Variants in PBRM1 observed in about 807,000 individuals in gnomAD.
PBRM1 encodes the protein protein polybromo-1.
Under a neutral mutation model 194.5 loss-of-function variants are expected in PBRM1, and 27 were observed. The ratio of observed to expected loss-of-function variants is 0.14; its 90% CI spans 0.10 to 0.19. The LOEUF is 0.19. PBRM1 is among the 10% of genes least tolerant of loss of function. The probability of loss-of-function intolerance (pLI) is 1.00; values close to 1 mark genes in which losing one functional copy is unlikely to be tolerated. For synonymous variants in PBRM1, 655 were observed against 693.2 expected (o/e 0.94, Z 0.87); for missense variants, 1,466 against 2,077.2 (o/e 0.71, Z 5.72).
rs565116708 is a variant in PBRM1, at chr3:52,629,088, A to AT, written c.1302-54dup. 7.0e-5 allele frequency: 100 copies of AT among 1,424,742 alleles called. No homozygotes were observed. The African/African-American group carries it at 1.3e-3, about 18-fold the overall frequency. 88.3% of individuals were successfully genotyped at this position (1,424,742 alleles called of 1,614,324 possible). A position where few individuals can be genotyped will look rare whatever the true frequency, so the allele number is the denominator to read the frequency against. On this transcript the variant is annotated intron_variant, in intron 11 of 29. Coordinates refer to ENST00000296302, the Ensembl canonical transcript of PBRM1. ...TTTTCTGTCATGAAAATTATGAAAC[A>AT]TTCTTCCTGAAAGTCCAATGCAAAA...
At chr3:52,603,705 T>C (rs2153349435) in exon 17 of PBRM1, 1 of 1,605,660 alleles carries the variant, frequency 6.2e-7, no homozygotes, top group East Asian at 2.2e-5. Flanking sequence ...GAAGTTCTAC[T>C]GCATCTTCAT....
chr3:52,603,826 G>T, intron 16 of PBRM1, 94 bp from the exon 19 acceptor site: 2 of 1,071,624 alleles, frequency 1.9e-6, no homozygotes, highest in Non-Finnish European at 1.3e-6. Context: ...TTCTTTAATT[G>T]ATATAGTGGT....
intron 21 of PBRM1, among the ~76,000 whole-genome samples, chr3:52,578,672 G>A (rs2090317018): frequency 6.6e-6 from 1 of 152,212 alleles, no homozygotes; most frequent in Non-Finnish European, 1.5e-5. Flanking sequence ...AATGAACACC[G>A]ATATGTGATA....
chr3:52,662,080 C>T lies in PBRM1; in HGVS notation c.528+53G>A, dbSNP rs150339609. ...GCCCAGAGGGAATCACAAGCAGGGG[C>T]CCTCTCTGCCTTCCAAGAGCCCATC... is the stretch of plus-strand genomic sequence containing the variant. On this transcript the variant is annotated intron_variant, in intron 4 of 29. Coordinates refer to ENST00000296302, the Ensembl canonical transcript of PBRM1. 1,789 of 1,578,370 alleles carry T rather than the reference C, an allele frequency of 1.1e-3. 7 individuals are homozygous for T. Among genetic ancestry groups the T allele is most frequent in the Non-Finnish European group, 8.4e-4 (974 of 1,155,210 alleles).
chr3:52,552,898 T>C (rs1025235067), intron 27 of PBRM1, among the ~76,000 whole-genome samples: 2 of 152,248 alleles, frequency 1.3e-5, no homozygotes, highest in Non-Finnish European at 2.9e-5. Context: ...ACTGTTTTCA[T>C]ATGAAGCACC....
At chr3:52,641,914 C>T in intron 10 of PBRM1, 40 bp downstream of exon 11, 1 of 1,134,304 alleles carries the variant, frequency 8.8e-7, no homozygotes, top group South Asian at 1.2e-5. Context: ...TAGAAGGATC[C>T]ACTAAGAAGG....
chr3:52,556,013 CAG>C (rs2082149832), intron 26 of PBRM1, among the ~76,000 whole-genome samples: 1 of 152,164 alleles, frequency 6.6e-6, no homozygotes. Context: ...CCTTTGGTCA[CAG>C]CTTCTTGCAA....
At chr3:52,649,192 G>T (rs900833874) in intron 6 of PBRM1, among the ~76,000 whole-genome samples, 1 of 152,112 alleles carries the variant, frequency 6.6e-6, no homozygotes, top group Admixed American at 6.6e-5. Context: ...TATTTGCCTC[G>T]TGGGACTACC....
At chr3:52,550,914 C>T (rs2080820671) in intron 27 of PBRM1, 97 bp from the exon 30 acceptor site, 1 of 749,404 alleles carries the variant, frequency 1.3e-6, no homozygotes, top group South Asian at 1.7e-5. Context: ...ATAATTCAAA[C>T]CTATGTACCT....
At chr3:52,651,941 A>G (rs1337857152) in intron 5 of PBRM1, 131 bp from the exon 7 acceptor site, 1 of 605,132 alleles carries the variant, frequency 1.7e-6, no homozygotes, top group Non-Finnish European at 2.9e-6. Flanking sequence ...GACTAAAGAC[A>G]TGGCTGTACA....
upstream of PBRM1, chr3:52,685,891 C>T (rs2097306198): frequency 3.2e-6 from 2 of 625,470 alleles, no homozygotes; most frequent in Non-Finnish European, 5.7e-6. Flanking sequence ...CTCCCTTACC[C>T]CTCCCGGTGC....
At chr3:52,629,008 T>C in exon 12 of PBRM1, 1 of 1,610,008 alleles carries the variant, frequency 6.2e-7, no homozygotes, top group Non-Finnish European at 8.5e-7. Flanking sequence ...GATCTAAAGT[T>C]TCATATTCTT....
At chr3:52,659,517 G>A (rs1348030554) in intron 4 of PBRM1, among the ~76,000 whole-genome samples, 2 of 152,074 alleles carry the variant, frequency 1.3e-5, no homozygotes, top group Non-Finnish European at 2.9e-5. Context: ...TAACTCCAGG[G>A]CTCAAGCAAT....
intron 29 of PBRM1, among the ~76,000 whole-genome samples, chr3:52,548,450 C>T (rs1415876511): frequency 6.7e-6 from 1 of 148,510 alleles, no homozygotes; most frequent in Admixed American, 6.7e-5. Flanking sequence ...TTTTTGACAT[C>T]GAGTCTCGCT....
intron 7 of PBRM1, 25 bp from the exon 9 acceptor site, chr3:52,644,814 T>TA: frequency 8.7e-7 from 1 of 1,154,990 alleles, no homozygotes. Context: ...TTACTTGGTT[T>TA]AAAAAAGGAA....
At chr3:52,646,197 T>C (rs2096284563) in intron 7 of PBRM1, among the ~76,000 whole-genome samples, 1 of 152,216 alleles carries the variant, frequency 6.6e-6, no homozygotes, top group African/African-American at 2.4e-5. Flanking sequence ...TCTCAGAATT[T>C]CTTAAAAGAT....
intron 6 of PBRM1, 133 bp downstream of exon 7, chr3:52,651,609 T>G (rs1030568893): frequency 1.6e-5 from 7 of 441,956 alleles, no homozygotes; most frequent in Non-Finnish European, 2.9e-5. Context: ...AACACTATTT[T>G]AATTTATTTA....
In PBRM1 at chr3:52,587,518, ATGGGGGG is replaced by A; in HGVS notation, c.2966-15_2966-9del. ...CATACAACCATTTTTCACCTCAAAA[ATGGGGGG>A]TGGGGGAAGGGGAAGAGAAAGAGAA... On this transcript the variant is annotated splice_polypyrimidine_tract_variant and intron_variant, in intron 18 of 29. Transcript: ENST00000296302. 3 of 1,564,958 alleles carry A rather than the reference ATGGGGGG, an allele frequency of 1.9e-6. No individual in the cohort carries two copies. The highest frequency in any genetic ancestry group is 2.6e-6 in the Non-Finnish European group (3 of 1,148,948).
intron 13 of PBRM1, among the ~76,000 whole-genome samples, chr3:52,624,243 G>T (rs1474037606): frequency 1.3e-5 from 2 of 152,158 alleles, no homozygotes; most frequent in African/African-American, 4.8e-5. Flanking sequence ...AGGTAAAAGA[G>T]ATGACTAAAT....
Sources: gnomAD v4.1 joint callset for allele counts (sites outside exome capture counted in the v4.1 genomes callset) on GRCh38, gnomAD v4.1.1 for gene constraint, MANE v1.5 for transcripts, NCBI Gene and HGNC (gene_info 2026-07-23, HGNC 2026-07-21) for gene names.